NFIB: variants seen among roughly 807,000 people sequenced by gnomAD.
NFIB encodes nuclear factor 1 B-type.
NFIB carries 11 observed loss-of-function variants against 61.5 expected under a neutral mutation model. The observed-to-expected ratio is 0.18, with a 90% CI of 0.11 to 0.30. The LOEUF (loss-of-function observed/expected upper bound fraction) is 0.30, where lower values mean the gene tolerates loss of function less well. Among genes scored for constraint, NFIB ranks in the 10% least tolerant of loss-of-function variants. NFIB has a pLI of 1.00. For synonymous variants in NFIB, 260 were observed against 216.5 expected (o/e 1.20, Z -1.76); for missense variants, 471 against 608.9 (o/e 0.77, Z 2.38).
the NFIB span, among the ~76,000 whole-genome samples, chr9:14,405,090 A>G: frequency 6.6e-6 from 1 of 152,180 alleles, no homozygotes; most frequent in Non-Finnish European, 1.5e-5. Context: ...ATAGAAATAG[A>G]TATCACTTCA....
At chr9:14,258,593 A>G (rs986979113) in intron 2 of NFIB, among the ~76,000 whole-genome samples, 1 of 152,242 alleles carries the variant, frequency 6.6e-6, no homozygotes, top group African/African-American at 2.4e-5. Context: ...GGTGTTTTAC[A>G]GTAGAAGCCA....
the NFIB span, among the ~76,000 whole-genome samples, chr9:14,470,712 T>C: frequency 6.6e-6 from 1 of 152,176 alleles, no homozygotes; most frequent in South Asian, 2.1e-4. Flanking sequence ...AGCAATTACA[T>C]TCAGAGTTTC....
intron 4 of NFIB, among the ~76,000 whole-genome samples, chr9:14,154,689 C>T (rs190463415): frequency 1.3e-5 from 2 of 152,104 alleles, no homozygotes; most frequent in Non-Finnish European, 2.9e-5. Context: ...TTTATCCACT[C>T]TAGAATTATA....
chr9:14,523,180 G>C, the NFIB span, among the ~76,000 whole-genome samples: 1 of 152,034 alleles, frequency 6.6e-6, no homozygotes, highest in African/African-American at 2.4e-5. Context: ...TAGGGCAGGT[G>C]ACTTTTCGGG....
intron 2 of NFIB, among the ~76,000 whole-genome samples, chr9:14,298,671 AGGG>A (rs2059581887): frequency 1.3e-5 from 2 of 152,084 alleles, no homozygotes; most frequent in Non-Finnish European, 2.9e-5. Flanking sequence ...TGGTGTGTAA[AGGG>A]CGGGCTTGGG....
At chr9:14,185,334 A>C (rs2047227870) in intron 2 of NFIB, among the ~76,000 whole-genome samples, 1 of 152,130 alleles carries the variant, frequency 6.6e-6, no homozygotes, top group South Asian at 2.1e-4. Context: ...AAGACCCAAA[A>C]CTGATTAAGC....
chr9:14,416,504 A>G, the NFIB span, among the ~76,000 whole-genome samples: 1 of 144,746 alleles, frequency 6.9e-6, no homozygotes, highest in Admixed American at 6.8e-5. Flanking sequence ...CCTAGTTTTT[A>G]ACAAAAAAAA....
intron 6 of NFIB, among the ~76,000 whole-genome samples, chr9:14,130,997 A>C (rs1459048999): frequency 6.6e-6 from 1 of 152,210 alleles, no homozygotes; most frequent in Non-Finnish European, 1.5e-5. Context: ...GGTGATGCTC[A>C]TGGTTTAGTA....
intron 6 of NFIB, among the ~76,000 whole-genome samples, chr9:14,145,550 G>C (rs891850915): frequency 1.3e-5 from 2 of 151,950 alleles, no homozygotes; most frequent in African/African-American, 4.8e-5. Context: ...TTAAGGCCCA[G>C]AGTTATGTGT....
chr9:14,188,666 C>A (rs559680138), intron 2 of NFIB, among the ~76,000 whole-genome samples: 3 of 152,184 alleles, frequency 2.0e-5, no homozygotes, highest in Non-Finnish European at 4.4e-5. Flanking sequence ...CTTTGAGGAA[C>A]AATTTGCCAA....
chr9:14,377,767 C>T (rs2061436897), intron 1 of NFIB, among the ~76,000 whole-genome samples: 1 of 152,202 alleles, frequency 6.6e-6, no homozygotes, highest in Admixed American at 6.5e-5. Flanking sequence ...CAAATGTAGA[C>T]TGGGTTATAG....
chr9:14,471,048 T>C, the NFIB span, among the ~76,000 whole-genome samples: 1 of 152,256 alleles, frequency 6.6e-6, no homozygotes, highest in Non-Finnish European at 1.5e-5. Context: ...AAAAATTCCA[T>C]ATGTATTGAT....
chr9:14,352,931 G>C (rs2061131095), intron 1 of NFIB, among the ~76,000 whole-genome samples: 1 of 152,194 alleles, frequency 6.6e-6, no homozygotes, highest in Non-Finnish European at 1.5e-5. Flanking sequence ...GGCAGGGTTA[G>C]GAGTATGTCT....
chr9:14,323,775 A>G (rs1199039976), intron 1 of NFIB, among the ~76,000 whole-genome samples: 1 of 152,202 alleles, frequency 6.6e-6, no homozygotes, highest in Non-Finnish European at 1.5e-5. Flanking sequence ...CATACCTCCT[A>G]CAACACGCAG....
At chr9:14,177,622 T>C (rs1288999110) in intron 3 of NFIB, among the ~76,000 whole-genome samples, 4 of 152,154 alleles carry the variant, frequency 2.6e-5, no homozygotes, top group Non-Finnish European at 5.9e-5. Flanking sequence ...GTGTATTTTA[T>C]ATTACATTCT....
At chr9:14,249,806 C>A (rs2055377531) in intron 2 of NFIB, among the ~76,000 whole-genome samples, 1 of 152,070 alleles carries the variant, frequency 6.6e-6, no homozygotes, top group South Asian at 2.1e-4. Flanking sequence ...CCCTTCACCA[C>A]CCTTAAGCCC....
chr9:14,173,741 G>A (rs917335608), intron 3 of NFIB, among the ~76,000 whole-genome samples: 1 of 152,154 alleles, frequency 6.6e-6, no homozygotes. Context: ...CTCAGCAATC[G>A]TTAGGCAATT....
At chr9:14,522,173 T>G in the NFIB span, among the ~76,000 whole-genome samples, 7 of 152,166 alleles carry the variant, frequency 4.6e-5, no homozygotes, top group Admixed American at 4.6e-4. Flanking sequence ...GCCAAATCAC[T>G]TGCGATGAAG....
At chr9:14,093,408 TA>T (rs1255456457) in intron 10 of NFIB, 5 of 151,998 alleles carry the variant, frequency 3.3e-5, no homozygotes, top group Non-Finnish European at 7.4e-5. Flanking sequence ...TCAAGAAGCT[TA>T]AAAAATATTA....
Sources: allele counts gnomAD v4.1 joint callset (sites outside exome capture counted in the v4.1 genomes callset), GRCh38; gene constraint gnomAD v4.1.1; transcripts MANE v1.5; gene names NCBI Gene and HGNC (gene_info 2026-07-23, HGNC 2026-07-21).